Variants in HMGA2 observed in about 807,000 individuals in gnomAD.
HMGA2 encodes high mobility group AT-hook 2.
A neutral mutation model predicts 19.1 loss-of-function variants in HMGA2; 8 were observed. The observed-to-expected ratio is 0.42, with a 90% confidence interval of 0.25 to 0.76. HMGA2 has a LOEUF of 0.76. HMGA2 is among the 30% of genes least tolerant of loss of function. The pLI is 0.28. For missense variants in HMGA2, 109 were observed against 136.3 expected (o/e 0.80, Z 1.00); for synonymous variants, 60 against 48.8 (o/e 1.23, Z -0.96).
At chr12:65,868,672 G>A (rs533577234) in intron 3 of HMGA2, among the ~76,000 whole-genome samples, 2 of 152,246 alleles carry the variant, frequency 1.3e-5, no homozygotes, top group East Asian at 3.9e-4. Flanking sequence ...CATCTTAAAG[G>A]ATGGTTTGTG....
chr12:65,941,899 T>A (rs1340517234), intron 3 of HMGA2, among the ~76,000 whole-genome samples: 1 of 152,226 alleles, frequency 6.6e-6, no homozygotes, highest in African/African-American at 2.4e-5. Flanking sequence ...TGTAAGCTTA[T>A]GGGCAAGCAT....
intron 3 of HMGA2, among the ~76,000 whole-genome samples, chr12:65,931,068 G>A (rs1875690083): frequency 9.9e-5 from 15 of 152,178 alleles, no homozygotes; most frequent in Admixed American, 9.8e-4. Context: ...CTGTTCAGAT[G>A]GCAAATCTGC....
At chr12:65,859,858 A>G in intron 3 of HMGA2, 1 of 208,046 alleles carries the variant, frequency 4.8e-6, no homozygotes, top group South Asian at 7.1e-5. Flanking sequence ...CTGAGATGGG[A>G]GGATTGCTTG....
chr12:65,843,665 T>C (rs1871100098), intron 3 of HMGA2: 2 of 146,578 alleles, frequency 1.4e-5, no homozygotes, highest in African/African-American at 2.5e-5. Flanking sequence ...GTTTGCTACT[T>C]ACACACACAC....
At chr12:65,874,891 G>C (rs947560258) in intron 3 of HMGA2, among the ~76,000 whole-genome samples, 1 of 152,126 alleles carries the variant, frequency 6.6e-6, no homozygotes, top group African/African-American at 2.4e-5. Flanking sequence ...GACAGATGTA[G>C]CTCTTTCTAC....
intron 3 of HMGA2, among the ~76,000 whole-genome samples, chr12:65,903,052 T>G (rs1373861299): frequency 6.6e-6 from 1 of 152,144 alleles, no homozygotes; most frequent in Non-Finnish European, 1.5e-5. Flanking sequence ...AATGTTGCCC[T>G]AGTTTGTTTG....
chr12:65,872,835 A>T, intron 3 of HMGA2, among the ~76,000 whole-genome samples: 1 of 152,182 alleles, frequency 6.6e-6, no homozygotes, highest in South Asian at 2.1e-4. Context: ...CATTCACCCA[A>T]GGAAGTCTGA....
At chr12:65,916,853 G>A (rs1348975041) in intron 3 of HMGA2, among the ~76,000 whole-genome samples, 1 of 152,250 alleles carries the variant, frequency 6.6e-6, no homozygotes, top group African/African-American at 2.4e-5. Flanking sequence ...GAGGAAGCTG[G>A]TGAAGGTAGA....
intron 4 of HMGA2, chr12:65,957,298 A>G (rs1226164098): frequency 6.6e-6 from 1 of 152,172 alleles, no homozygotes; most frequent in East Asian, 1.9e-4. Flanking sequence ...GCTACTTTGC[A>G]TAAAAATAAG....
chr12:65,929,971 G>T (rs985651606), intron 3 of HMGA2, among the ~76,000 whole-genome samples: 2 of 152,080 alleles, frequency 1.3e-5, no homozygotes, highest in Admixed American at 6.5e-5. Context: ...ACAGAAGTAA[G>T]AACTGTAGAG....
chr12:65,841,174 T>A (rs894414266), intron 3 of HMGA2, among the ~76,000 whole-genome samples: 3 of 152,120 alleles, frequency 2.0e-5, no homozygotes, highest in African/African-American at 7.2e-5. Flanking sequence ...TCTTAACGGA[T>A]TCTTGCTAAT....
intron 3 of HMGA2, among the ~76,000 whole-genome samples, chr12:65,868,099 C>T (rs1233082286): frequency 1.3e-5 from 2 of 152,176 alleles, no homozygotes; most frequent in Admixed American, 1.3e-4. Context: ...TGAGAGGGAG[C>T]AAATATTCAG....
At chr12:65,874,973 T>C (rs1245064632) in intron 3 of HMGA2, among the ~76,000 whole-genome samples, 5 of 152,344 alleles carry the variant, frequency 3.3e-5, no homozygotes, top group South Asian at 4.1e-4. Context: ...CATCTCCCTT[T>C]ATTCAACCAG....
chr12:65,845,810 C>A (rs917747242), intron 3 of HMGA2, among the ~76,000 whole-genome samples: 2 of 152,208 alleles, frequency 1.3e-5, no homozygotes, highest in Non-Finnish European at 2.9e-5. Context: ...TAACTAATGG[C>A]TGTCAAGCAT....
At chr12:65,844,761 C>T (rs1211547206) in intron 3 of HMGA2, among the ~76,000 whole-genome samples, 1 of 152,220 alleles carries the variant, frequency 6.6e-6, no homozygotes, top group South Asian at 2.1e-4. Context: ...ACATTGACTG[C>T]AGAGTCTGAA....
chr12:65,844,807 C>T (rs1026952287), intron 3 of HMGA2, among the ~76,000 whole-genome samples: 4 of 152,154 alleles, frequency 2.6e-5, no homozygotes, highest in Non-Finnish European at 5.9e-5. Context: ...AAAATAGCAT[C>T]GACTATCACC....
intron 3 of HMGA2, among the ~76,000 whole-genome samples, chr12:65,940,372 G>T (rs1876050963): frequency 6.6e-6 from 1 of 152,046 alleles, no homozygotes; most frequent in South Asian, 2.1e-4. Flanking sequence ...TTTTTTCAGA[G>T]CAAAGCTGTT....
intron 3 of HMGA2, among the ~76,000 whole-genome samples, chr12:65,862,276 T>C (rs1361381834): frequency 2.1e-5 from 3 of 144,654 alleles, no homozygotes; most frequent in African/African-American, 2.5e-5. Context: ...AAATGCACCA[T>C]ACACACACAC....
intron 3 of HMGA2, among the ~76,000 whole-genome samples, chr12:65,890,201 T>A (rs1873843662): frequency 6.6e-6 from 1 of 152,162 alleles, no homozygotes; most frequent in Non-Finnish European, 1.5e-5. Context: ...TTAAGTATAG[T>A]CATTTAAATA....
Sources: gnomAD v4.1 joint callset for allele counts (sites outside exome capture counted in the v4.1 genomes callset) on GRCh38, gnomAD v4.1.1 for gene constraint, MANE v1.5 for transcripts, NCBI Gene and HGNC (gene_info 2026-07-23, HGNC 2026-07-21) for gene names.